Variants in TMTC2 observed in about 807,000 individuals in gnomAD.
TMTC2 encodes the protein transmembrane O-mannosyltransferase targeting cadherins 2.
A neutral mutation model predicts 82.4 loss-of-function variants in TMTC2; 43 were observed. That is an observed-to-expected ratio of 0.52 (90% CI 0.41 to 0.67). TMTC2 has a LOEUF of 0.67. TMTC2 is among the 30% of genes least tolerant of loss of function. The probability of loss-of-function intolerance (pLI) is 0.00; values close to 1 mark genes in which losing one functional copy is unlikely to be tolerated. For missense variants in TMTC2, 919 were observed against 1,012.4 expected (o/e 0.91, Z 1.25); for synonymous variants, 408 against 381.9 (o/e 1.07, Z -0.80).
chr12:82,867,948 G>C (rs757623330), intron 2 of TMTC2, among the ~76,000 whole-genome samples: 9 of 152,152 alleles, frequency 5.9e-5, no homozygotes, highest in Non-Finnish European at 1.0e-4. Flanking sequence ...TCGGGGAAAG[G>C]CCATTGGACT....
chr12:82,986,348 A>G (rs117651910), intron 8 of TMTC2: 7,319 of 267,534 alleles, frequency 0.027, 171 homozygotes, highest in Non-Finnish European at 0.038. Context: ...TCCCTGTATC[A>G]AAACATCTCC....
chr12:82,853,064 C>G (rs1428447221), intron 1 of TMTC2, among the ~76,000 whole-genome samples: 1 of 151,156 alleles, frequency 6.6e-6, no homozygotes, highest in Non-Finnish European at 1.5e-5. Context: ...CTATGTTTGT[C>G]TTTTTTTCCA....
At position 83,133,863 on chromosome 12, in the gene TMTC2, C is replaced by A. The variant is rs1232229734; in HGVS notation, c.*1474C>A. 1 of 152,142 alleles carries A rather than the reference C, an allele frequency of 6.6e-6. No individual in the cohort carries two copies. Among genetic ancestry groups the A allele is most frequent in the East Asian group, 1.9e-4 (1 of 5,200 alleles). 9.4% of individuals were successfully genotyped at this position (152,142 alleles called of 1,614,324 possible). A position where few individuals can be genotyped will look rare whatever the true frequency, so the allele number is the denominator to read the frequency against. ...TATAGCAGAATAACAAAACTTGATGCATTAAGCCAGTTCTTTGCAACTGAA... is the reference window on the plus strand; with the variant it reads ...TATAGCAGAATAACAAAACTTGATGAATTAAGCCAGTTCTTTGCAACTGAA... On this transcript the variant is annotated 3_prime_UTR_variant, in exon 12 of 12. Transcript: ENST00000321196.
chr12:82,969,975 T>G (rs970983874), intron 7 of TMTC2, among the ~76,000 whole-genome samples: 1 of 152,204 alleles, frequency 6.6e-6, no homozygotes, highest in Non-Finnish European at 1.5e-5. Flanking sequence ...CATGAAATAT[T>G]AAGAGAACAA....
chr12:82,986,093 C>A lies in TMTC2; in HGVS notation c.2070+47C>A, dbSNP rs772074032. On this transcript the variant is annotated intron_variant, in intron 8 of 11. Transcript: ENST00000321196. ...TCTTTAAAACTTGGTTTTCTCCATG[C>A]AGACCGGGATAGATGGGTTTGAGGT... 3.7e-6 allele frequency: 6 copies of A among 1,612,970 alleles called. No individual in the cohort carries two copies. The South Asian group carries it at 5.5e-5, about 15-fold the overall frequency.
intron 2 of TMTC2, among the ~76,000 whole-genome samples, chr12:82,887,623 CTT>C (rs1334508531): frequency 6.6e-6 from 1 of 152,118 alleles, no homozygotes; most frequent in Admixed American, 6.6e-5. Context: ...TATTGGCTGA[CTT>C]TAATTCTATG....
At chr12:83,059,148 C>T (rs9669490) in intron 10 of TMTC2, among the ~76,000 whole-genome samples, 68,130 of 151,052 alleles carry the variant, frequency 0.45, 15,946 homozygotes, top group African/African-American at 0.6. Context: ...TCCCTAACAA[C>T]GTTATGGTTG....
chr12:83,061,512 C>A (rs931414271), intron 10 of TMTC2, among the ~76,000 whole-genome samples: 1 of 151,712 alleles, frequency 6.6e-6, no homozygotes, highest in Non-Finnish European at 1.5e-5. Flanking sequence ...AGTAGGATAA[C>A]TTTTCTAATT....
At chr12:82,925,992 G>GA (rs887951657) in intron 3 of TMTC2, among the ~76,000 whole-genome samples, 97 of 132,140 alleles carry the variant, frequency 7.3e-4, no homozygotes, top group African/African-American at 2.5e-3. Flanking sequence ...TTTTTTTTTT[G>GA]TTTTTTTTTT....
At chr12:82,714,114 A>G (rs1315848082) in intron 1 of TMTC2, among the ~76,000 whole-genome samples, 1 of 152,224 alleles carries the variant, frequency 6.6e-6, no homozygotes, top group Non-Finnish European at 1.5e-5. Flanking sequence ...GTGTAATTCC[A>G]TTTGTTTGAA....
chr12:82,732,908 GT>G (rs1443499411), intron 1 of TMTC2, among the ~76,000 whole-genome samples: 5 of 152,178 alleles, frequency 3.3e-5, no homozygotes, highest in Non-Finnish European at 7.4e-5. Context: ...AAAGGACCTT[GT>G]TGTAAGGGAG....
At chr12:83,003,135 C>CT (rs1006040195) in intron 8 of TMTC2, among the ~76,000 whole-genome samples, 6 of 152,166 alleles carry the variant, frequency 3.9e-5, no homozygotes, top group African/African-American at 1.4e-4. Context: ...ATAGTTAAGT[C>CT]TTTTTGTTGA....
chr12:82,928,499 T>C (rs1264109948), intron 3 of TMTC2, among the ~76,000 whole-genome samples: 1 of 152,230 alleles, frequency 6.6e-6, no homozygotes, highest in Non-Finnish European at 1.5e-5. Flanking sequence ...TTTGACAATA[T>C]TTTACACTGT....
chr12:82,725,293 C>T (rs535781297), intron 1 of TMTC2, among the ~76,000 whole-genome samples: 8 of 152,200 alleles, frequency 5.3e-5, no homozygotes, highest in African/African-American at 1.9e-4. Flanking sequence ...GACCCAGTCA[C>T]TTTTCTAGAC....
intron 4 of TMTC2, among the ~76,000 whole-genome samples, chr12:82,946,437 C>A (rs1876996372): frequency 6.6e-6 from 1 of 152,116 alleles, no homozygotes; most frequent in Admixed American, 6.5e-5. Flanking sequence ...TCTTCTCTCC[C>A]ATTTACCCCT....
At chr12:82,698,543 C>A (rs1374439831) in intron 1 of TMTC2, among the ~76,000 whole-genome samples, 3 of 152,058 alleles carry the variant, frequency 2.0e-5, no homozygotes, top group Non-Finnish European at 4.4e-5. Flanking sequence ...TACAGCTGTC[C>A]CCGCTTATCC....
chr12:82,800,286 G>A (rs1878929557), intron 1 of TMTC2, among the ~76,000 whole-genome samples: 1 of 152,170 alleles, frequency 6.6e-6, no homozygotes, highest in Non-Finnish European at 1.5e-5. Context: ...AGGTCCTGCT[G>A]CCTCTTGCAG....
chr12:82,965,276 G>A (rs559185133), intron 5 of TMTC2, among the ~76,000 whole-genome samples, 167 bp downstream of exon 5: 10 of 151,912 alleles, frequency 6.6e-5, no homozygotes, highest in African/African-American at 2.4e-4. Flanking sequence ...ATACTTTAAT[G>A]TCCATTGATC....
intron 1 of TMTC2, among the ~76,000 whole-genome samples, chr12:82,743,577 C>T (rs1175167148): frequency 1.3e-5 from 2 of 152,128 alleles, no homozygotes; most frequent in African/African-American, 4.8e-5. Context: ...AACCCACCTT[C>T]CCTTTCAACC....
Sources: allele counts gnomAD v4.1 joint callset (sites outside exome capture counted in the v4.1 genomes callset), GRCh38; gene constraint gnomAD v4.1.1; transcripts MANE v1.5; gene names NCBI Gene and HGNC (gene_info 2026-07-23, HGNC 2026-07-21).